Variants in LRP2 observed in about 807,000 individuals in gnomAD.
The protein encoded by LRP2 is low-density lipoprotein receptor-related protein 2.
A neutral mutation model predicts 531.0 loss-of-function variants in LRP2; 172 were observed. The ratio of observed to expected loss-of-function variants is 0.32; its 90% CI spans 0.29 to 0.37. The LOEUF (loss-of-function observed/expected upper bound fraction) is 0.37. Among genes scored for constraint, LRP2 ranks in the 10% least tolerant of loss-of-function variants. LRP2 has a pLI of 1.00. For missense variants in LRP2, 5,167 were observed against 5,868.3 expected (o/e 0.88, Z 3.90); for synonymous variants, 1,992 against 2,027.6 (o/e 0.98, Z 0.47).
rs771825774 is a variant in LRP2, at chr2:169,146,896, C to T, written c.12654G>A (p.Glu4218=). Residue 4218 remains glutamate, a synonymous_variant, in exon 69 of 79, where the codon GAG becomes GAA. Transcript: ENST00000649046. ...PKIESAWMNG[E]DRNILVFEDL... is the part of the protein sequence containing the mutation. ...CCTCGAAAACCAGGATGTTGCGGTC[C>T]TCTCCATTCATCCAGGCAGACTCGA... is the stretch of plus-strand genomic sequence containing the variant. The T allele has an allele frequency of 6.2e-7, 1 of 1,614,106 alleles. No individual in the cohort carries two copies. Among genetic ancestry groups the T allele is most frequent in the Non-Finnish European group, 8.5e-7 (1 of 1,180,006 alleles).
At chr2:169,314,471 A>G (rs10165679) in intron 3 of LRP2, among the ~76,000 whole-genome samples, 2,055 of 152,214 alleles carry the variant, frequency 0.014, 48 homozygotes, top group African/African-American at 0.046. Context: ...GACAGTTTTC[A>G]AGGTGGTACT....
Position 169,166,010 on chromosome 2 carries a change from T to C in LRP2, c.11680A>G (p.Asn3894Asp), listed in dbSNP as rs1686768485. Residue 3894 changes from asparagine (N) to aspartate (D), a missense_variant, in exon 62 of 79, where the codon AAT becomes GAT. Transcript: ENST00000649046. The stretch of plus-strand genomic sequence containing the variant: ...ACCTCATGACTATAAATGCAGCGAT[T>C]GTTGTCACACCGGAAACGGTTTGGT... ...NSPNRFRCDN[N>D]RCIYSHEVCN... The C allele has an allele frequency of 1.2e-6, 2 of 1,614,076 alleles. No homozygotes were observed. Among genetic ancestry groups the C allele is most frequent in the Non-Finnish European group, 1.7e-6 (2 of 1,179,956 alleles).
chr2:169,289,607 T>C (rs1683948658), intron 8 of LRP2, among the ~76,000 whole-genome samples: 1 of 151,916 alleles, frequency 6.6e-6, no homozygotes, highest in South Asian at 2.1e-4. Flanking sequence ...TATAACTATG[T>C]GCAAGTATAA....
intron 26 of LRP2, 30 bp downstream of exon 26, chr2:169,239,497 T>A: frequency 6.2e-7 from 1 of 1,613,976 alleles, no homozygotes; most frequent in Non-Finnish European, 8.5e-7. Flanking sequence ...GATGTGCTGA[T>A]AAACTGGCTC....
intron 3 of LRP2, among the ~76,000 whole-genome samples, chr2:169,310,407 T>C (rs959729288): frequency 1.3e-5 from 2 of 152,216 alleles, no homozygotes; most frequent in African/African-American, 2.4e-5. Flanking sequence ...GTTTTTAGCA[T>C]GAAGGGCTGT....
At chr2:169,271,590 T>C (rs1020843167) in intron 15 of LRP2, 1 of 286,992 alleles carries the variant, frequency 3.5e-6, no homozygotes, top group African/African-American at 2.3e-5. Context: ...TAAGTATCAT[T>C]ACAATAAACA....
chr2:169,166,249 G>A (rs1686779743), intron 61 of LRP2, among the ~76,000 whole-genome samples, 195 bp from the exon 62 acceptor site: 1 of 152,204 alleles, frequency 6.6e-6, no homozygotes, highest in South Asian at 2.1e-4. Flanking sequence ...GATATGATGG[G>A]AAACAAGAAA....
At chr2:169,259,766 C>T (rs903529029) in intron 16 of LRP2, among the ~76,000 whole-genome samples, 3 of 151,810 alleles carry the variant, frequency 2.0e-5, no homozygotes, top group African/African-American at 7.3e-5. Flanking sequence ...AAACGCTTTC[C>T]TCTTTATGGA....
At chr2:169,193,720 T>C (rs370870145) in intron 47 of LRP2, 41 bp downstream of exon 47, 13 of 1,613,698 alleles carry the variant, frequency 8.1e-6, no homozygotes, top group Non-Finnish European at 1.1e-5. Context: ...TGTGTTTCCC[T>C]GGAATGTGAC....
chr2:169,259,116 T>C lies in LRP2; in HGVS notation c.2422A>G (p.Ile808Val), dbSNP rs772261621. The change falls in exon 17 of 79, where the codon ATC becomes GTC. Residue 808 changes from isoleucine to valine, a missense_variant. Physicochemically the swap from Ile to Val is conservative, Grantham distance 29 (BLOSUM62 3). Transcript: ENST00000649046. The stretch of plus-strand genomic sequence containing the variant: ...TTATCAGCTAGCCTCATGACACTGA[T>C]ACTCTTGTAATGAGAGTCTGTCCAA... ...LYWTDSHYKS[I>V]SVMRLADKTR... is the part of the protein sequence containing the mutation. 39 of 1,613,214 alleles carry C rather than the reference T, an allele frequency of 2.4e-5. No homozygotes were observed. In the Admixed American group the frequency reaches 2.8e-4, roughly 12 times the overall value.
intron 4 of LRP2, among the ~76,000 whole-genome samples, chr2:169,306,217 C>T (rs146533201): frequency 3.8e-4 from 57 of 151,856 alleles, no homozygotes; most frequent in African/African-American, 1.2e-3. Context: ...AATTCATAAA[C>T]GCTAGACTTG....
intron 3 of LRP2, among the ~76,000 whole-genome samples, chr2:169,313,335 T>C (rs1030136295): frequency 6.6e-6 from 1 of 152,210 alleles, no homozygotes; most frequent in Non-Finnish European, 1.5e-5. Flanking sequence ...TCCCCATCTT[T>C]GTGATTTTAT....
At chr2:169,233,161 G>A (rs1689473778) in intron 30 of LRP2, among the ~76,000 whole-genome samples, 1 of 152,160 alleles carries the variant, frequency 6.6e-6, no homozygotes, top group Non-Finnish European at 1.5e-5. Flanking sequence ...GGGTCAAAGA[G>A]GTAGCAGCCA....
chr2:169,134,112 G>A (rs1052853071), intron 76 of LRP2, among the ~76,000 whole-genome samples: 8 of 152,146 alleles, frequency 5.3e-5, no homozygotes, highest in Admixed American at 2.6e-4. Context: ...TCTTACACAA[G>A]AGCCGGGACC....
At chr2:169,136,820 G>A (rs563362164) in intron 76 of LRP2, among the ~76,000 whole-genome samples, 1 of 152,122 alleles carries the variant, frequency 6.6e-6, no homozygotes, top group Non-Finnish European at 1.5e-5. Flanking sequence ...AAAAAAAGAT[G>A]ACTGAGCAAC....
rs775988601 is a variant in LRP2, at chr2:169,233,436, C to T, written c.5073G>A (p.Ala1691=). 8 of 1,614,128 alleles carry T rather than the reference C, an allele frequency of 5.0e-6. No individual in the cohort carries two copies. The highest frequency in any genetic ancestry group is 1.6e-4 in the Middle Eastern group (1 of 6,062). Residue 1691 remains alanine (A), a synonymous_variant, in exon 30 of 79, where the codon GCG becomes GCA. Transcript: ENST00000649046. The part of the protein sequence containing the change: ...YNIQWPLGIV[A]VHPSKQPNSV... Reference sequence around the variant, plus strand: ...AATTTGGTTGTTTCGAAGGATGAACCGCAACAATCCCAAGGGGCCATTGAA... The same window carrying T: ...AATTTGGTTGTTTCGAAGGATGAACTGCAACAATCCCAAGGGGCCATTGAA...
At chr2:169,356,443 T>C (rs1457865378) in intron 1 of LRP2, among the ~76,000 whole-genome samples, 1 of 152,186 alleles carries the variant, frequency 6.6e-6, no homozygotes, top group East Asian at 1.9e-4. Context: ...TGAATGGAAA[T>C]CTATATGAGA....
chr2:169,191,773 G>A (rs1413306086), intron 48 of LRP2, 59 bp downstream of exon 48: 25 of 1,491,362 alleles, frequency 1.7e-5, no homozygotes, highest in Admixed American at 8.4e-5. Flanking sequence ...ATAGGTAAGT[G>A]AGCCCAGCCC....
chr2:169,315,876 C>A (rs572480652), intron 3 of LRP2, among the ~76,000 whole-genome samples: 1 of 147,518 alleles, frequency 6.8e-6, no homozygotes, highest in African/African-American at 2.5e-5. Context: ...ATCATCCCAG[C>A]ACTTGGGGGG....
Sources: gnomAD v4.1 joint callset for allele counts (sites outside exome capture counted in the v4.1 genomes callset) on GRCh38, gnomAD v4.1.1 for gene constraint, MANE v1.5 for transcripts, NCBI Gene and HGNC (gene_info 2026-07-23, HGNC 2026-07-21) for gene names.